Variants in TRPC6 observed in about 807,000 individuals in gnomAD.
The protein encoded by TRPC6 is short transient receptor potential channel 6.
Under a neutral mutation model 90.7 loss-of-function variants are expected in TRPC6, and 55 were observed. The observed-to-expected ratio is 0.61, with a 90% CI of 0.49 to 0.76. The LOEUF is 0.76. TRPC6 is among the 30% of genes least tolerant of loss of function. TRPC6 has a pLI of 0.00. For synonymous variants in TRPC6, 393 were observed against 393.0 expected, an observed-to-expected ratio of 1.00 and a Z score of 0.00; for missense variants, 989 against 1,122.7, an observed-to-expected ratio of 0.88 and a Z score of 1.70.
intron 1 of TRPC6, among the ~76,000 whole-genome samples, chr11:101,572,062 C>T (rs1323130837): frequency 6.6e-6 from 1 of 152,162 alleles, no homozygotes; most frequent in Non-Finnish European, 1.5e-5. Context: ...GCAAAAGAAA[C>T]TATCATCAGA....
intron 1 of TRPC6, among the ~76,000 whole-genome samples, chr11:101,510,915 AACTTTG>A (rs1376660676): frequency 6.6e-6 from 1 of 152,174 alleles, no homozygotes; most frequent in Non-Finnish European, 1.5e-5. Context: ...TTCTTAGCTT[AACTTTG>A]ACTTTGTGCT....
At chr11:101,573,272 C>G (rs1862004403) in intron 1 of TRPC6, among the ~76,000 whole-genome samples, 1 of 147,708 alleles carries the variant, frequency 6.8e-6, no homozygotes, top group Admixed American at 6.7e-5. Flanking sequence ...ACCTCCTTTC[C>G]TCATCGAACT....
intron 1 of TRPC6, among the ~76,000 whole-genome samples, chr11:101,579,469 T>C (rs1343141087): frequency 1.3e-5 from 2 of 152,212 alleles, no homozygotes; most frequent in South Asian, 2.1e-4. Context: ...TCTTGGTCGA[T>C]TGTTTCCTTG....
chr11:101,503,174 G>C (rs1178605568), intron 2 of TRPC6, among the ~76,000 whole-genome samples: 2 of 152,112 alleles, frequency 1.3e-5, no homozygotes, highest in African/African-American at 4.8e-5. Context: ...ATCTTAGCTA[G>C]GGATGCAAGC....
chr11:101,537,388 T>C (rs898312001), intron 1 of TRPC6, among the ~76,000 whole-genome samples: 27 of 152,148 alleles, frequency 1.8e-4, no homozygotes, highest in African/African-American at 6.5e-4. Flanking sequence ...TGGGTTTATT[T>C]TTTTTCTCCT....
intron 2 of TRPC6, among the ~76,000 whole-genome samples, chr11:101,497,806 G>C (rs559659239): frequency 6.6e-6 from 1 of 152,100 alleles, no homozygotes; most frequent in South Asian, 2.1e-4. Context: ...CTGTCATCTA[G>C]GTTTTAAGCC....
intron 2 of TRPC6, among the ~76,000 whole-genome samples, chr11:101,499,020 G>T (rs1860023434): frequency 6.6e-6 from 1 of 152,168 alleles, no homozygotes; most frequent in African/African-American, 2.4e-5. Flanking sequence ...GATGGACAGT[G>T]CAGGGTGGAG....
rs1394033855 is a variant in TRPC6 at position 101,498,664 on chromosome 11, TG to T, written c.945+5359del. On this transcript the variant is annotated intron_variant, in intron 2 of 12. Coordinates refer to ENST00000344327, the MANE Select transcript of TRPC6 (RefSeq NM_004621.6). The stretch of plus-strand genomic sequence containing the variant: ...TGTATTGGAGCTTACAAAATCGTTA[TG>T]AAAAGTCCCATTCTCTGTCATAAAA... 2.0e-5 allele frequency among the ~76,000 whole-genome samples: 3 copies of T among 152,300 alleles called. No homozygotes were observed. In the South Asian group the frequency reaches 6.2e-4, roughly 32 times the overall value.
At chr11:101,527,580 G>C (rs1860807742) in intron 1 of TRPC6, among the ~76,000 whole-genome samples, 2 of 152,080 alleles carry the variant, frequency 1.3e-5, no homozygotes, top group South Asian at 4.1e-4. Context: ...ACACATGCAT[G>C]TTATTTAATT....
intron 10 of TRPC6, among the ~76,000 whole-genome samples, chr11:101,461,584 TA>T (rs1859006493): frequency 6.6e-6 from 1 of 152,134 alleles, no homozygotes. Flanking sequence ...TAAAATGAAA[TA>T]AAAATAAAAC....
intron 1 of TRPC6, among the ~76,000 whole-genome samples, chr11:101,554,190 T>A (rs1861511544): frequency 6.6e-6 from 1 of 152,124 alleles, no homozygotes; most frequent in South Asian, 2.1e-4. Context: ...GTGAAATGGA[T>A]GTGTGAGACA....
In TRPC6 at chr11:101,583,723, T is replaced by A. The variant is rs1399199389; in HGVS notation, c.-220A>T. 2.1e-6 allele frequency: 1 copy of A among 469,828 alleles called. No homozygotes were observed. The highest frequency in any genetic ancestry group is 3.6e-6 in the Non-Finnish European group (1 of 275,516). 29.1% of individuals were successfully genotyped at this position (469,828 alleles called of 1,614,324 possible). On this transcript the variant is annotated 5_prime_UTR_variant, in exon 1 of 13. Transcript: ENST00000344327. ...ACCACTTAAGGGGGTGCAAAGAGGATCTTGACCTGAGCAGGTCAGGCCGAG... is the reference window on the plus strand; with the variant it reads ...ACCACTTAAGGGGGTGCAAAGAGGAACTTGACCTGAGCAGGTCAGGCCGAG...
chr11:101,493,555 A>G (rs1859877577), intron 2 of TRPC6, among the ~76,000 whole-genome samples: 1 of 152,168 alleles, frequency 6.6e-6, no homozygotes, highest in Non-Finnish European at 1.5e-5. Context: ...ATGCCACTTT[A>G]TCTCTCTTAT....
At chr11:101,510,407 A>G (rs1012918828) in intron 1 of TRPC6, among the ~76,000 whole-genome samples, 2 of 152,200 alleles carry the variant, frequency 1.3e-5, no homozygotes, top group Non-Finnish European at 1.5e-5. Context: ...CCATAGCTCC[A>G]TAGCACTACT....
intron 1 of TRPC6, among the ~76,000 whole-genome samples, chr11:101,575,793 T>G (rs894488525): frequency 6.6e-6 from 1 of 152,178 alleles, no homozygotes; most frequent in South Asian, 2.1e-4. Flanking sequence ...TTATGCCCTT[T>G]TCTTCCAGTC....
intron 8 of TRPC6, among the ~76,000 whole-genome samples, chr11:101,471,676 A>G (rs1293707978): frequency 6.6e-6 from 1 of 152,162 alleles, no homozygotes; most frequent in Non-Finnish European, 1.5e-5. Context: ...GCTATGAAAA[A>G]TTATTCTCTC....
At chr11:101,574,542 T>G (rs187645399) in intron 1 of TRPC6, among the ~76,000 whole-genome samples, 2 of 151,330 alleles carry the variant, frequency 1.3e-5, no homozygotes, top group African/African-American at 4.9e-5. Context: ...AACAAATGTT[T>G]GTTGAAATAA....
chr11:101,486,449 G>C (rs1338475503), intron 4 of TRPC6, among the ~76,000 whole-genome samples: 1 of 151,920 alleles, frequency 6.6e-6, no homozygotes, highest in Non-Finnish European at 1.5e-5. Flanking sequence ...ACTCTTTTTA[G>C]GTATTTATTG....
At chr11:101,547,591 T>A (rs4754768) in intron 1 of TRPC6, among the ~76,000 whole-genome samples, 2 of 152,022 alleles carry the variant, frequency 1.3e-5, no homozygotes, top group Non-Finnish European at 2.9e-5. Flanking sequence ...TCAATTGAGA[T>A]CATCGATTTC....
Sources: allele counts gnomAD v4.1 joint callset (sites outside exome capture counted in the v4.1 genomes callset), GRCh38; gene constraint gnomAD v4.1.1; transcripts MANE v1.5; gene names NCBI Gene and HGNC (gene_info 2026-07-23, HGNC 2026-07-21).